The following COL4A5 variants were observed in gnomAD, a reference collection of about 807,000 sequenced individuals.
COL4A5 encodes the protein collagen type IV alpha 5 chain, also known as collagen alpha-5(IV) chain.
COL4A5 carries 26 observed loss-of-function variants against 130.2 expected under a neutral mutation model. The ratio of observed to expected loss-of-function variants is 0.20; its 90% CI spans 0.15 to 0.28. The LOEUF is 0.28. Among genes scored for constraint, COL4A5 ranks in the 10% least tolerant of loss-of-function variants. The pLI is 1.00. For missense variants in COL4A5, 1,131 were observed against 1,344.3 expected (o/e 0.84, Z 2.48); for synonymous variants, 496 against 439.6 (o/e 1.13, Z -1.60).
In COL4A5 at chrX:108,440,119, GAGA is replaced by G; in HGVS notation, c.-2_1del. ...GGTGCTGAAGGAGCTGCGGGAGCCG[GAGA>G]AGAATGAAACTGCGTGGAGTCAGCC... On this transcript the variant is annotated 5_prime_UTR_variant, in exon 1 of 53. Coordinates refer to ENST00000328300, the MANE Select transcript of COL4A5 (RefSeq NM_033380.3). 1 of 1,204,451 alleles carries G rather than the reference GAGA, an allele frequency of 8.3e-7. No individual in the cohort carries two copies. Among genetic ancestry groups the G allele is most frequent in the Non-Finnish European group, 1.1e-6 (1 of 890,292 alleles).
chrX:108,545,768 C>A (rs1448697637), intron 2 of COL4A5, among the ~76,000 whole-genome samples: 2 of 111,164 alleles, frequency 1.8e-5, no homozygotes. Flanking sequence ...TCTCTAAGGA[C>A]TTGCTTTATG....
intron 47 of COL4A5, among the ~76,000 whole-genome samples, chrX:108,683,182 G>A (rs1282174250): frequency 1.8e-5 from 2 of 111,558 alleles, no homozygotes; most frequent in East Asian, 5.7e-4. Context: ...TGTCAGGTTT[G>A]CCAAATATCA....
At chrX:108,494,538 G>C (rs757319570) in intron 1 of COL4A5, among the ~76,000 whole-genome samples, 1 of 110,288 alleles carries the variant, frequency 9.1e-6, no homozygotes, top group East Asian at 2.8e-4. Context: ...ATTCCATCAT[G>C]CCATAAGCAT....
chrX:108,463,912 C>T (rs1362474713), intron 1 of COL4A5, among the ~76,000 whole-genome samples: 19 of 111,484 alleles, frequency 1.7e-4, no homozygotes, highest in Non-Finnish European at 3.8e-5. Flanking sequence ...GGCAGATTCC[C>T]CTCTTTTTAT....
chrX:108,674,762 C>CTT lies in COL4A5; in HGVS notation c.3808+10_3808+11dup. ...CTTCCCAGGTTTTCAAGGTTAGACT[C>CTT]TTCACTGGTCAATTCTTTTTTTTTT... On this transcript the variant is annotated intron_variant, in intron 43 of 52. Transcript: ENST00000328300. 8.7e-7 allele frequency: 1 copy of CTT among 1,154,314 alleles called. No homozygotes were observed.
chrX:108,602,125 TCA>T (rs1416891149), intron 27 of COL4A5, 136 bp downstream of exon 27: 2 of 434,355 alleles, frequency 4.6e-6, no homozygotes, highest in Admixed American at 7.3e-5. Flanking sequence ...AAATAAAAAA[TCA>T]CAGTGTATTT....
intron 27 of COL4A5, among the ~76,000 whole-genome samples, chrX:108,602,202 T>C (rs964613220): frequency 1.8e-5 from 2 of 112,580 alleles, no homozygotes; most frequent in African/African-American, 6.5e-5. Flanking sequence ...ATTTTAGATA[T>C]GCAAAAGTGA....
At chrX:108,662,350 A>G (rs1455678949) in intron 37 of COL4A5, among the ~76,000 whole-genome samples, 1 of 110,589 alleles carries the variant, frequency 9.0e-6, no homozygotes, top group African/African-American at 3.3e-5. Context: ...GTTGGCAACA[A>G]ATTGTCTTAG....
intron 1 of COL4A5, among the ~76,000 whole-genome samples, chrX:108,511,150 C>A (rs759023169): frequency 1.9e-4 from 21 of 111,632 alleles, no homozygotes; most frequent in African/African-American, 6.2e-4. Context: ...TTTCTTTCTA[C>A]TTAATATTTT....
At chrX:108,507,247 C>CAAAAAA (rs1195605237) in intron 1 of COL4A5, among the ~76,000 whole-genome samples, 18 of 50,786 alleles carry the variant, frequency 3.5e-4, no homozygotes, top group Admixed American at 7.5e-4. Context: ...ACAACAACAA[C>CAAAAAA]AAAAAAAAAA....
rs2068723391 is a variant in COL4A5 at position 108,695,777 on chromosome X, C to T, written c.4994+338C>T. The T allele has an allele frequency of 4.7e-5, 13 of 277,820 alleles. No individual in the cohort carries two copies. The South Asian group carries it at 5.0e-4, about 11-fold the overall frequency. 22.9% of individuals were successfully genotyped at this position (277,820 alleles called of 1,213,427 possible). On this transcript the variant is annotated intron_variant, in intron 52 of 52. Coordinates refer to ENST00000328300, the MANE Select transcript of COL4A5 (RefSeq NM_033380.3). ...TGAAGTTACAGTCTGTCTTTTCCCT[C>T]TCAGTCCAGTGGTCTCCTTTCCCAG...
intron 1 of COL4A5, among the ~76,000 whole-genome samples, chrX:108,503,114 C>G (rs898785347): frequency 9.0e-6 from 1 of 111,693 alleles, no homozygotes; most frequent in Admixed American, 9.5e-5. Flanking sequence ...ATATTGGCAG[C>G]TGGATCCAGT....
intron 38 of COL4A5, among the ~76,000 whole-genome samples, 164 bp downstream of exon 38, chrX:108,665,751 T>TA (rs1378433803): frequency 8.9e-6 from 1 of 112,637 alleles, no homozygotes; most frequent in Non-Finnish European, 1.9e-5. Flanking sequence ...TAACTTTTAA[T>TA]AAAAAGTGCT....
intron 1 of COL4A5, among the ~76,000 whole-genome samples, chrX:108,517,967 G>A (rs1275605216): frequency 9.1e-6 from 1 of 110,303 alleles, no homozygotes; most frequent in Admixed American, 9.7e-5. Flanking sequence ...TTCTTCTGGG[G>A]AGATATTTAA....
rs757140435 is a variant in COL4A5 at position 108,574,783 on chromosome X, T to TTTG, written c.547-1109_547-1107dup. 1.2e-3 allele frequency among the ~76,000 whole-genome samples: 128 copies of TTTG among 110,968 alleles called. No individual in the cohort carries two copies. In the East Asian group the frequency reaches 0.014, roughly 12 times the overall value. ...TTGGTGTTTTTTGTTTTATGTGGTG[T>TTTG]TTGTTGTTGTTGTTGTTGTTTTGAG... On this transcript the variant is annotated intron_variant, in intron 9 of 52. Coordinates refer to ENST00000328300, the MANE Select transcript of COL4A5 (RefSeq NM_033380.3).
In COL4A5 at chrX:108,501,738, A is replaced by G. The variant is rs747123528; in HGVS notation, c.82-38008A>G. Among the ~76,000 whole-genome samples the G allele has an allele frequency of 3.6e-5, 4 of 112,318 alleles. No homozygotes were observed. The East Asian group carries it at 1.1e-3, about 31-fold the overall frequency. ...GACCTTTCAGTTACATATTACTATT[A>G]TATAATTTGTGGGGAACATTTCATG... On this transcript the variant is annotated intron_variant, in intron 1 of 52. Coordinates refer to ENST00000328300, the MANE Select transcript of COL4A5 (RefSeq NM_033380.3).
In COL4A5 at chrX:108,635,992, G is replaced by A. The variant is rs1271351141; in HGVS notation, c.3246+9643G>A. 2.7e-5 allele frequency among the ~76,000 whole-genome samples: 3 copies of A among 112,029 alleles called. No individual in the cohort carries two copies. The East Asian group carries it at 8.4e-4, about 32-fold the overall frequency. ...TATTCCCAAAAGGGGTAAGGAGTGG[G>A]GGAAGTGTTGACAAACCTATGGAGT... On this transcript the variant is annotated intron_variant, in intron 36 of 52. Coordinates refer to ENST00000328300, the MANE Select transcript of COL4A5 (RefSeq NM_033380.3).
intron 2 of COL4A5, among the ~76,000 whole-genome samples, chrX:108,547,848 C>T (rs865955595): frequency 2.7e-5 from 3 of 111,799 alleles, no homozygotes; most frequent in Middle Eastern, 4.6e-3. Context: ...CCTTGCAGTT[C>T]GATCTCAGAC....
At chrX:108,601,093 A>T (rs898363375) in intron 25 of COL4A5, among the ~76,000 whole-genome samples, 12 of 111,615 alleles carry the variant, frequency 1.1e-4, no homozygotes, top group Admixed American at 1.9e-4. Context: ...TCTAGAAATA[A>T]TGCTTTACCA....
Sources: allele counts gnomAD v4.1 joint callset (sites outside exome capture counted in the v4.1 genomes callset), GRCh38; gene constraint gnomAD v4.1.1; transcripts MANE v1.5; gene names NCBI Gene and HGNC (gene_info 2026-07-23, HGNC 2026-07-21).